Variants in TTN observed in about 807,000 individuals in gnomAD.
TTN encodes the protein connectin.
In TTN, 1,525 loss-of-function variants were observed where a neutral mutation model predicts 3,223.0. The ratio of observed to expected loss-of-function variants is 0.47; its 90% CI spans 0.45 to 0.49. The LOEUF is 0.49. TTN is among the 20% of genes least tolerant of loss of function. The probability of loss-of-function intolerance (pLI) is 0.00; values close to 1 mark genes in which losing one functional copy is unlikely to be tolerated. For synonymous variants in TTN, 14,094 were observed against 15,161.0 expected, an observed-to-expected ratio of 0.93 and a Z score of 5.17; for missense variants, 40,786 against 43,424.0, an observed-to-expected ratio of 0.94 and a Z score of 5.40.
chr2:178,650,219 C>G lies in TTN; in HGVS notation c.39762G>C (p.Glu13254Asp), dbSNP rs1487015687. ...CTTCTGCAACAGGAACTGGCTTTTC[C>G]TCTTCAGGAGCAATTTCCTCTTCAG... ...IAPEEEIAPE[E>D]EKPVPVAEEE... The change falls in exon 210 of 363, where the codon GAG (glutamate) becomes GAC (aspartate). Residue 13254 changes from glutamate to aspartate, a missense_variant. By Grantham distance (45) the Glu-to-Asp change is conservative. Transcript: ENST00000589042. 1 of 1,557,930 alleles carries G rather than the reference C, an allele frequency of 6.4e-7. No homozygotes were observed. Among genetic ancestry groups the G allele is most frequent in the African/African-American group, 1.5e-5 (1 of 65,120 alleles).
Position 178,566,708 on chromosome 2 carries a change from G to C in TTN, c.79424C>G (p.Ala26475Gly), listed in dbSNP as rs1706007740. The change falls in exon 326 of 363, where the codon GCT (alanine) becomes GGT (glycine). Residue 26475 changes from alanine (A) to glycine (G), a missense_variant. Physicochemically the swap from Ala to Gly is moderately conservative, Grantham distance 60. Transcript: ENST00000589042. ...NAAGVGEPSP[A>G]TVYYKACDPV... Reference sequence around the variant, plus strand: ...ATCACAGGCTTTATAATAAACTGTAGCTGGACTTGGTTCCCCAACTCCAGC... The same window carrying C: ...ATCACAGGCTTTATAATAAACTGTACCTGGACTTGGTTCCCCAACTCCAGC... 6.2e-7 allele frequency: 1 copy of C among 1,613,418 alleles called. No individual in the cohort carries two copies. Among genetic ancestry groups the C allele is most frequent in the East Asian group, 2.2e-5 (1 of 44,838 alleles).
rs1480583772 is a variant in TTN at position 178,730,301 on chromosome 2, A to C, written c.18099T>G (p.Ala6033=). 3 of 1,611,982 alleles carry C rather than the reference A, an allele frequency of 1.9e-6. No homozygotes were observed. In the East Asian group the frequency reaches 6.7e-5, roughly 36 times the overall value. ...TCATGGGTGCAGTGCCACCCACAAG[A>C]GCCTTTAACTGTACCCTTGTGTTGG... ...VNPNTRVQLK[A]LVGGTAPMTI... is the part of the protein sequence containing the mutation. Residue 6033 remains alanine, a synonymous_variant, in exon 62 of 363, where the codon GCT becomes GCG. Transcript: ENST00000589042.
rs72646809 is a variant in TTN at position 178,607,496 on chromosome 2, A to G, written c.53192T>C (p.Ile17731Thr). ...DNVGTKSELI[I>T]KDALRKDHGR... The stretch of plus-strand genomic sequence containing the variant: ...ATGGTCTTTTCGCAGTGCATCCTTG[A>G]TAATTAGTTCAGATTTGGTTCCAAC... Residue 17731 changes from isoleucine to threonine, a missense_variant, in exon 277 of 363, where the codon ATC (isoleucine) becomes ACC (threonine). Ile to Thr is a moderately conservative substitution (Grantham distance 89). Transcript: ENST00000589042. The G allele has an allele frequency of 0.011, 18,467 of 1,613,256 alleles. 172 individuals are homozygous for G. The highest frequency in any genetic ancestry group is 0.013 in the Middle Eastern group (81 of 6,054).
rs758519100 is a variant in TTN at position 178,560,831 on chromosome 2, T to G, written c.85301A>C (p.Asn28434Thr). The change falls in exon 326 of 363, where the codon AAT becomes ACT. Residue 28434 changes from asparagine (N) to threonine (T), a missense_variant. Physicochemically the swap from Asn to Thr is moderately conservative, Grantham distance 65. Coordinates refer to ENST00000589042, the MANE Select transcript of TTN (RefSeq NM_001267550.2). ...GGCCACAGACCGAGTGCCGGCAACATTCTTCAGTGTTAGTACATATTGCCC... is the reference window on the plus strand; with the variant it reads ...GGCCACAGACCGAGTGCCGGCAACAGTCTTCAGTGTTAGTACATATTGCCC... Reference protein sequence around the residue: ...DTGQYVLTLKNVAGTRSVAVN... With the variant: ...DTGQYVLTLKTVAGTRSVAVN... 3.1e-6 allele frequency: 5 copies of G among 1,613,578 alleles called. No individual in the cohort carries two copies. The African/African-American group carries it at 6.7e-5, about 22-fold the overall frequency.
rs886055303 is a variant in TTN at position 178,775,911 on chromosome 2, T to C, written c.5953A>G (p.Ile1985Val). 22 of 1,614,152 alleles carry C rather than the reference T, an allele frequency of 1.4e-5. No individual in the cohort carries two copies. Among genetic ancestry groups the C allele is most frequent in the Non-Finnish European group, 1.9e-5 (22 of 1,180,014 alleles). Residue 1985 changes from isoleucine to valine, a missense_variant, in exon 28 of 363, where the codon ATT becomes GTT. Physicochemically the swap from Ile to Val is conservative, Grantham distance 29 (BLOSUM62 3). Coordinates refer to ENST00000589042, the MANE Select transcript of TTN (RefSeq NM_001267550.2). ...EVVKLKRAER[I>V]THEKVPEESE... ...TCTTCAGGCACTTTTTCATGGGTAA[T>C]TCTTTCAGCCCTTTTCAACTTCACA...
In TTN at chr2:178,597,902, A is replaced by C. The variant is rs1030400597; in HGVS notation, c.57262+6T>G. On this transcript the variant is annotated splice_donor_region_variant and intron_variant, in intron 293 of 362. Transcript: ENST00000589042. ...ACTGATGGCATAAGGAAGGATTGAT[A>C]ATTACCAAGTCTGTCCTTCATTTCA... 6.2e-7 allele frequency: 1 copy of C among 1,613,060 alleles called. No homozygotes were observed. Among genetic ancestry groups the C allele is most frequent in the Non-Finnish European group, 8.5e-7 (1 of 1,179,510 alleles).
chr2:178,560,870 A>T lies in TTN; in HGVS notation c.85262T>A (p.Ile28421Lys), dbSNP rs749273378. Residue 28421 changes from isoleucine to lysine, a missense_variant, in exon 326 of 363, where the codon ATA becomes AAA. Coordinates refer to ENST00000589042, the MANE Select transcript of TTN (RefSeq NM_001267550.2). Reference sequence around the variant, plus strand: ...TACATATTGCCCAGTGTCTCGTCTTATACAGTCTTTAACTGTTAACAAAGT... The same window carrying T: ...TACATATTGCCCAGTGTCTCGTCTTTTACAGTCTTTAACTGTTAACAAAGT... ...NHTLLTVKDC[I>K]RRDTGQYVLT... The T allele has an allele frequency of 6.2e-7, 1 of 1,613,706 alleles. No homozygotes were observed. The highest frequency in any genetic ancestry group is 1.1e-5 in the South Asian group (1 of 91,080).
chr2:178,595,882 A>AAAG (rs2051435343), intron 294 of TTN, 73 bp from the exon 295 acceptor site: 1 of 1,419,444 alleles, frequency 7.0e-7, no homozygotes, highest in African/African-American at 1.5e-5. Context: ...TGTTTTTTTA[A>AAAG]AAGGAGACAA....
intron 122 of TTN, 86 bp downstream of exon 122, chr2:178,689,727 A>G (rs1251555908): frequency 2.1e-6 from 3 of 1,452,556 alleles, no homozygotes; most frequent in African/African-American, 2.9e-5. Flanking sequence ...ATTTAGAATT[A>G]AACTAACTCA....
intron 111 of TTN, 96 bp downstream of exon 111, chr2:178,701,024 G>T: frequency 9.5e-7 from 1 of 1,048,284 alleles, no homozygotes; most frequent in Non-Finnish European, 1.4e-6. Flanking sequence ...TCCACCTCTT[G>T]ACCACTAGAG....
Position 178,567,445 on chromosome 2 carries a change from T to C in TTN, c.78687A>G (p.Arg26229=). ...CAGATTCTTCAATTTCCTTATCTCC[T>C]CTTAACCACTCAATGGTAGGTAGGG... is the stretch of plus-strand genomic sequence containing the variant. ...GKPLPTIEWL[R]GDKEIEESAR... is the part of the protein sequence containing the mutation. Residue 26229 remains arginine (R), a synonymous_variant, in exon 326 of 363, where the codon AGA becomes AGG. Transcript: ENST00000589042. 6.2e-7 allele frequency: 1 copy of C among 1,612,792 alleles called. No individual in the cohort carries two copies. Among genetic ancestry groups the C allele is most frequent in the Non-Finnish European group, 8.5e-7 (1 of 1,179,316 alleles).
Position 178,789,346 on chromosome 2 carries a change from A to G in TTN, c.2076+14T>C. 6.2e-7 allele frequency: 1 copy of G among 1,613,046 alleles called. No homozygotes were observed. The highest frequency in any genetic ancestry group is 1.1e-5 in the South Asian group (1 of 91,056). ...TATAATAGGGGATTTCACACTTGGA[A>G]CAACAATAGTCACCTTTCCATGGGT... On this transcript the variant is annotated intron_variant, in intron 13 of 362. Coordinates refer to ENST00000589042, the MANE Select transcript of TTN (RefSeq NM_001267550.2).
chr2:178,666,913 T>G lies in TTN; in HGVS notation c.35798-12A>C. The G allele has an allele frequency of 1.3e-6, 2 of 1,518,596 alleles. No homozygotes were observed. Among genetic ancestry groups the G allele is most frequent in the South Asian group, 2.6e-5 (2 of 77,014 alleles). The allele number at this position is 1,518,596 out of a possible 1,614,324, so 94.1% of individuals were successfully genotyped here. A position where few individuals can be genotyped will look rare whatever the true frequency, so the allele number is the denominator to read the frequency against. Reference sequence around the variant, plus strand: ...GAAGACTTCAAACTCTTTAAAGATATTAGTATTTTTTTTAATTGAGAAAAG... The same window carrying G: ...GAAGACTTCAAACTCTTTAAAGATAGTAGTATTTTTTTTAATTGAGAAAAG... On this transcript the variant is annotated splice_polypyrimidine_tract_variant and intron_variant, in intron 162 of 362. Transcript: ENST00000589042.
intron 4 of TTN, 33 bp from the exon 5 acceptor site, chr2:178,799,943 G>C (rs1373227846): frequency 6.2e-7 from 1 of 1,603,590 alleles, no homozygotes; most frequent in Non-Finnish European, 8.5e-7. Context: ...GTTTGGGAGG[G>C]GGCACAATGA....
chr2:178,538,879 C>T (rs1692996438), intron 353 of TTN, 40 bp from the exon 354 acceptor site: 1 of 1,579,922 alleles, frequency 6.3e-7, no homozygotes, highest in African/African-American at 1.4e-5. Context: ...GTCAGCTTTA[C>T]TGGTGAAATA....
In TTN at chr2:178,712,323, A is replaced by C. The variant is rs776598104; in HGVS notation, c.27599T>G (p.Leu9200Arg). The change falls in exon 95 of 363, where the codon CTC becomes CGC. Residue 9200 changes from leucine to arginine, a missense_variant. By Grantham distance (102) the Leu-to-Arg change is moderately radical. Transcript: ENST00000589042. Reference sequence around the variant, plus strand: ...GTGCAATCATGACAAACCTAGTATGAGTATTTGTGCTGAACAGGAATCTTT... The same window carrying C: ...GTGCAATCATGACAAACCTAGTATGCGTATTTGTGCTGAACAGGAATCTTT... ...SGKDSCSAQI[L>R]ILEPPYFVKQ... 1.9e-6 allele frequency: 3 copies of C among 1,612,904 alleles called. No individual in the cohort carries two copies. Among genetic ancestry groups the C allele is most frequent in the Middle Eastern group, 1.7e-4 (1 of 6,058 alleles).
At chr2:178,779,909 C>T (rs1267166779) in intron 22 of TTN, 91 bp downstream of exon 22, 36 of 1,343,502 alleles carry the variant, frequency 2.7e-5, no homozygotes, top group Admixed American at 7.1e-5. Context: ...TGTCTAACCC[C>T]GAGCTCATCA....
chr2:178,534,850 T>C lies in TTN; in HGVS notation c.101765A>G (p.Gln33922Arg). Residue 33922 changes from glutamine to arginine, a missense_variant, in exon 358 of 363, where the codon CAG becomes CGG. Transcript: ENST00000589042. Reference protein sequence around the residue: ...NEREIVSYVHQVCEALQFLHS... With the variant: ...NEREIVSYVHRVCEALQFLHS... ...TAAAAACTGAAGTGCTTCACAGACC[T>C]GGTGAACATAACTTACAATTTCTCT... 6.2e-7 allele frequency: 1 copy of C among 1,608,972 alleles called. No homozygotes were observed. Among genetic ancestry groups the C allele is most frequent in the Non-Finnish European group, 8.5e-7 (1 of 1,179,804 alleles).
At chr2:178,734,651 A>G (rs770224015) in intron 51 of TTN, 45 bp from the exon 52 acceptor site, 4 of 1,565,394 alleles carry the variant, frequency 2.6e-6, no homozygotes, top group African/African-American at 2.7e-5. Flanking sequence ...GTAATAAGTA[A>G]TTAAAAGGGA....
Sources: allele counts gnomAD v4.1 joint callset, GRCh38; gene constraint gnomAD v4.1.1; transcripts MANE v1.5; gene names NCBI Gene and HGNC (gene_info 2026-07-23, HGNC 2026-07-21).